The following C3 variants were observed in gnomAD, a reference collection of about 807,000 sequenced individuals.
The protein encoded by C3 is complement C3.
In C3, 97 loss-of-function variants were observed where a neutral mutation model predicts 207.9. The observed-to-expected ratio is 0.47, with a 90% CI of 0.40 to 0.55. The LOEUF (loss-of-function observed/expected upper bound fraction) is 0.55. C3 is among the 20% of genes least tolerant of loss of function. The pLI is 0.00. For synonymous variants in C3, 848 were observed against 857.6 expected (o/e 0.99, Z 0.20); for missense variants, 1,684 against 2,171.7 (o/e 0.78, Z 4.46).
Position 6,720,598 on chromosome 19 carries a change from G to A in C3, c.-9C>T. The A allele has an allele frequency of 2.5e-6, 4 of 1,572,190 alleles. No homozygotes were observed. The highest frequency in any genetic ancestry group is 3.5e-6 in the Non-Finnish European group (4 of 1,157,620). ...CCTGAGGTGGGTCCCATGGTGCTGG[G>A]ACAGTGCAGGGTCAGAGGGACAGAG... On this transcript the variant is annotated 5_prime_UTR_variant, in exon 1 of 41. Coordinates refer to ENST00000245907, the MANE Select transcript of C3 (RefSeq NM_000064.4).
chr19:6,692,924 A>T lies in C3; in HGVS notation c.3390T>A (p.Ile1130=). The T allele has an allele frequency of 6.2e-7, 1 of 1,613,684 alleles. No homozygotes were observed. The highest frequency in any genetic ancestry group is 8.5e-7 in the Non-Finnish European group (1 of 1,179,946). Residue 1130 remains isoleucine, a splice_region_variant and synonymous_variant, in exon 26 of 41, where the codon ATT becomes ATA. Transcript: ENST00000245907. The part of the protein sequence containing the change: ...EDAPVIHQEM[I]GGLRNNNEKD... ...TTTGCCCTAAATCCCAGCCTCTTAC[A>T]ATCATTTCTTGGTGTATCACGGGCG...
intron 19 of C3, 60 bp downstream of exon 19, chr19:6,702,067 A>G (rs1967686240): frequency 3.4e-6 from 3 of 874,580 alleles, no homozygotes; most frequent in Non-Finnish European, 5.9e-6. Context: ...ATAAAATGAG[A>G]TGACACTCAG....
chr19:6,699,301 C>T (rs9710242), intron 19 of C3, among the ~76,000 whole-genome samples: 32,574 of 148,926 alleles, frequency 0.22, 3,918 homozygotes, highest in East Asian at 0.44. Context: ...TCTCAAACTC[C>T]GACCTCAAAT....
chr19:6,712,386 A>C lies in C3; in HGVS notation c.1140T>G (p.Asp380Glu). The C allele has an allele frequency of 6.2e-7, 1 of 1,614,152 alleles. No homozygotes were observed. The highest frequency in any genetic ancestry group is 8.5e-7 in the Non-Finnish European group (1 of 1,180,000). The change falls in exon 11 of 41, where the codon GAT becomes GAG. Residue 380 changes from aspartate to glutamate, a missense_variant. Asp to Glu is a conservative substitution (Grantham distance 45). This residue lies in a region of C3 where 1,280 missense variants were observed against 1,739.1 expected (regional missense o/e 0.74). Coordinates refer to ENST00000245907, the MANE Select transcript of C3 (RefSeq NM_000064.4). ...FDLMVFVTNP[D>E]GSPAYRVPVA... ...CGGGGACTCGGTAGGCTGGAGAGCCATCAGGGTTCGTCACGAACACCTGTG... is the reference window on the plus strand; with the variant it reads ...CGGGGACTCGGTAGGCTGGAGAGCCCTCAGGGTTCGTCACGAACACCTGTG...
At position 6,710,741 on chromosome 19, in the gene C3, G is replaced by A. The variant is rs148714623; in HGVS notation, c.1584C>T (p.Ser528=). The part of the protein sequence containing the change: ...PLSITTDFIP[S]FRLVAYYTLI... The stretch of plus-strand genomic sequence containing the variant: ...GCGTGTAGTACGCCACCAGGCGGAA[G>A]GAAGGGATGAAGTCGGTGGTGATGG... Residue 528 remains serine (S), a synonymous_variant, in exon 13 of 41, where the codon TCC becomes TCT. Coordinates refer to ENST00000245907, the MANE Select transcript of C3 (RefSeq NM_000064.4). The A allele has an allele frequency of 1.9e-6, 3 of 1,613,874 alleles. No homozygotes were observed. Among genetic ancestry groups the A allele is most frequent in the African/African-American group, 1.3e-5 (1 of 75,068 alleles).
chr19:6,694,479 T>C lies in C3; in HGVS notation c.3106A>G (p.Lys1036Glu), dbSNP rs1918256889. Residue 1036 changes from lysine to glutamate, a missense_variant, in exon 24 of 41, where the codon AAG (lysine) becomes GAG (glutamate). Lys to Glu is a moderately conservative substitution (Grantham distance 56). Transcript: ENST00000245907. The stretch of plus-strand genomic sequence containing the variant: ...CCCTGCCGCTTCTCTAGGCCGAACT[T>C]CTCCCACTGCTCCGTTTCATCCAGG... ...HYLDETEQWEKFGLEKRQGAL... is the reference protein window; with the variant it reads ...HYLDETEQWEEFGLEKRQGAL... 1.2e-6 allele frequency: 2 copies of C among 1,613,968 alleles called. No individual in the cohort carries two copies. Among genetic ancestry groups the C allele is most frequent in the Admixed American group, 1.7e-5 (1 of 60,000 alleles).
chr19:6,701,331 G>A (rs1217141135), intron 19 of C3, among the ~76,000 whole-genome samples: 1 of 152,110 alleles, frequency 6.6e-6, no homozygotes, highest in Non-Finnish European at 1.5e-5. Context: ...CCACGTGCAT[G>A]CTAGTACCTA....
In C3 at chr19:6,707,091, G is replaced by C; in HGVS notation, c.2230C>G (p.Leu744Val). Residue 744 changes from leucine to valine, a missense_variant, in exon 17 of 41, where the codon CTG becomes GTG. Coordinates refer to ENST00000245907, the MANE Select transcript of C3 (RefSeq NM_000064.4). The stretch of plus-strand genomic sequence containing the variant: ...TGGGACCTACTCCTGGCCAGGCCCA[G>C]GTGGCTGGCCCGCGCGTGCTGCCGC... ...LRRQHARASHLGLARSNLDED... is the reference protein window; with the variant it reads ...LRRQHARASHVGLARSNLDED... 1 of 1,592,972 alleles carries C rather than the reference G, an allele frequency of 6.3e-7. No homozygotes were observed. Among genetic ancestry groups the C allele is most frequent in the Non-Finnish European group, 8.6e-7 (1 of 1,167,866 alleles).
intron 40 of C3, 52 bp downstream of exon 40, chr19:6,678,100 G>C (rs546786971): frequency 1.9e-6 from 3 of 1,613,888 alleles, no homozygotes; most frequent in African/African-American, 1.3e-5. Context: ...TGTGGGCGTG[G>C]CATGGGCGGG....
chr19:6,706,993 A>C (rs2145422292), intron 17 of C3, 83 bp downstream of exon 17: 65 of 170,332 alleles, frequency 3.8e-4, no homozygotes, highest in Non-Finnish European at 4.9e-4. Flanking sequence ...CCCCCACCAG[A>C]CAGGGCATCC....
intron 13 of C3, 65 bp from the exon 14 acceptor site, chr19:6,709,907 T>A: frequency 6.6e-7 from 1 of 1,522,874 alleles, no homozygotes; most frequent in Non-Finnish European, 8.9e-7. Flanking sequence ...TGGGATGGAG[T>A]GGGTGCTGGG....
At chr19:6,698,613 G>A (rs1435930677) in intron 19 of C3, among the ~76,000 whole-genome samples, 1 of 151,950 alleles carries the variant, frequency 6.6e-6, no homozygotes, top group Non-Finnish European at 1.5e-5. Context: ...GGAGGCTGAG[G>A]CAGGAGGATT....
rs2230209 is a variant in C3 at position 6,686,181 on chromosome 19, G to A, written c.3753C>T (p.Pro1251=). 146 of 1,614,158 alleles carry A rather than the reference G, an allele frequency of 9.0e-5. No individual in the cohort carries two copies. The highest frequency in any genetic ancestry group is 1.8e-4 in the South Asian group (16 of 91,078). ...TCTGTTCATTGAGCCAACGCACGACGGGAGGCACAAAGTCAAAGTCTTTTA... is the reference window on the plus strand; with the variant it reads ...TCTGTTCATTGAGCCAACGCACGACAGGAGGCACAAAGTCAAAGTCTTTTA... ...LQLKDFDFVP[P]VVRWLNEQRY... The change falls in exon 29 of 41, where the codon CCC becomes CCT. Residue 1251 remains proline (P), a synonymous_variant. Transcript: ENST00000245907.
At chr19:6,707,346 C>T in intron 16 of C3, 73 bp from the exon 17 acceptor site, 1 of 1,599,220 alleles carries the variant, frequency 6.3e-7, no homozygotes, top group Non-Finnish European at 8.6e-7. Flanking sequence ...CGGGACGGAC[C>T]CCAGGGAGGA....
Position 6,700,525 on chromosome 19 carries a change from A to T in C3, c.2440+1602T>A, listed in dbSNP as rs533933733. 3.9e-4 allele frequency among the ~76,000 whole-genome samples: 11 copies of T among 27,928 alleles called. 3 individuals carry two copies. Among genetic ancestry groups the T allele is most frequent in the African/African-American group, 5.8e-4 (2 of 3,436 alleles). The allele number at this position is 27,928 out of a possible 152,430, so 18.3% of individuals were successfully genotyped here. On this transcript the variant is annotated intron_variant, in intron 19 of 40. Coordinates refer to ENST00000245907, the MANE Select transcript of C3 (RefSeq NM_000064.4). Reference sequence around the variant, plus strand: ...TATATATGTAATATATAATATATGTAATATGATATATTATATATGTAATAT... The same window carrying T: ...TATATATGTAATATATAATATATGTTATATGATATATTATATATGTAATAT...
In C3 at chr19:6,678,144, G is replaced by C; in HGVS notation, c.4850+8C>G. On this transcript the variant is annotated splice_region_variant and intron_variant, in intron 40 of 40. Coordinates refer to ENST00000245907, the MANE Select transcript of C3 (RefSeq NM_000064.4). Reference sequence around the variant, plus strand: ...GCGGTCGCGCGCACGCGCAGGGAAAGCACTCACTTGGGCTTCTCTCCCCAG... The same window carrying C: ...GCGGTCGCGCGCACGCGCAGGGAAACCACTCACTTGGGCTTCTCTCCCCAG... 1.9e-6 allele frequency: 3 copies of C among 1,614,198 alleles called. No homozygotes were observed. The highest frequency in any genetic ancestry group is 2.5e-6 in the Non-Finnish European group (3 of 1,180,030).
At chr19:6,709,611 T>TGCCCCCCCCCCCCCCCCCCCC in intron 14 of C3, 73 bp downstream of exon 14, 2 of 1,109,444 alleles carry the variant, frequency 1.8e-6, no homozygotes, top group Non-Finnish European at 1.4e-6. Flanking sequence ...CCCTCTCCAG[T>TGCCCCCCCCCCCCCCCCCCCC]CCCACCCACC....
chr19:6,720,474 C>T, intron 1 of C3, 42 bp downstream of exon 1: 1 of 1,461,842 alleles, frequency 6.8e-7, no homozygotes, highest in Non-Finnish European at 9.4e-7. Context: ...TGCTTCCACC[C>T]CAGAACCAGC....
chr19:6,712,210 G>C, intron 11 of C3, 47 bp downstream of exon 11: 1 of 1,609,636 alleles, frequency 6.2e-7, no homozygotes, highest in Non-Finnish European at 8.5e-7. Context: ...CAGAACCCCT[G>C]TACCGTCTTC....
Sources: allele counts gnomAD v4.1 joint callset (sites outside exome capture counted in the v4.1 genomes callset), GRCh38; gene constraint gnomAD v4.1.1; regional missense constraint gnomAD v4.1.1; transcripts MANE v1.5; gene names NCBI Gene and HGNC (gene_info 2026-07-23, HGNC 2026-07-21).